Variants in KIF16B observed in about 807,000 individuals in gnomAD.
The protein encoded by KIF16B is kinesin-like protein KIF16B.
In KIF16B, 98 loss-of-function variants were observed where a neutral mutation model predicts 156.3. The observed-to-expected ratio is 0.63, with a 90% confidence interval of 0.53 to 0.74. The LOEUF is 0.74. Among genes scored for constraint, KIF16B ranks in the 30% least tolerant of loss-of-function variants. The pLI is 0.00. For synonymous variants in KIF16B, 564 were observed against 583.7 expected (o/e 0.97, Z 0.49); for missense variants, 1,421 against 1,606.5 (o/e 0.88, Z 1.97).
intron 15 of KIF16B, among the ~76,000 whole-genome samples, chr20:16,413,464 T>C (rs1312044216): frequency 6.6e-6 from 1 of 152,174 alleles, no homozygotes; most frequent in Non-Finnish European, 1.5e-5. Flanking sequence ...TTTCTAATTC[T>C]GCTACTGCAC....
intron 25 of KIF16B, among the ~76,000 whole-genome samples, chr20:16,277,049 G>A (rs924463881): frequency 1.3e-5 from 2 of 152,082 alleles, no homozygotes; most frequent in Admixed American, 1.3e-4. Context: ...AAGGGCAATC[G>A]CTATTCTGAT....
intron 12 of KIF16B, among the ~76,000 whole-genome samples, chr20:16,478,982 T>C (rs1270652969): frequency 6.6e-6 from 1 of 152,160 alleles, no homozygotes; most frequent in Non-Finnish European, 1.5e-5. Context: ...TGTGCATACA[T>C]TCACCAAAGA....
At chr20:16,305,203 C>T (rs1447075926) in intron 25 of KIF16B, among the ~76,000 whole-genome samples, 1 of 152,032 alleles carries the variant, frequency 6.6e-6, no homozygotes, top group East Asian at 1.9e-4. Flanking sequence ...TATTGTTCTC[C>T]CGTGGACCAC....
At chr20:16,560,403 A>G (rs1014386155) in intron 1 of KIF16B, among the ~76,000 whole-genome samples, 3 of 152,238 alleles carry the variant, frequency 2.0e-5, no homozygotes, top group East Asian at 3.8e-4. Flanking sequence ...GACTTTGTCA[A>G]TAAGAATCAG....
At position 16,379,773 on chromosome 20, in the gene KIF16B, C is replaced by T; in HGVS notation, c.2229G>A (p.Lys743=). 6.2e-7 allele frequency: 1 copy of T among 1,614,172 alleles called. No individual in the cohort carries two copies. The highest frequency in any genetic ancestry group is 1.1e-5 in the South Asian group (1 of 91,092). ...LQKEKDEQYA[K]LELEKKRLEE... ...CTAGTCTCTTTTTTTCCAGTTCAAG[C>T]TTGGCATACTGTTCATCTTTTTCCT... is the stretch of plus-strand genomic sequence containing the variant. Residue 743 remains lysine (K), a synonymous_variant, in exon 19 of 26, where the codon AAG becomes AAA. Transcript: ENST00000354981.
chr20:16,525,801 T>C (rs1036767795), intron 3 of KIF16B, among the ~76,000 whole-genome samples: 5 of 152,208 alleles, frequency 3.3e-5, no homozygotes, highest in Non-Finnish European at 7.3e-5. Context: ...ATGCTTTCTA[T>C]GTAGAGCTCC....
chr20:16,273,558 G>C (rs1393222958), intron 25 of KIF16B, 147 bp from the exon 26 acceptor site: 1 of 639,610 alleles, frequency 1.6e-6, no homozygotes, highest in East Asian at 2.8e-5. Context: ...GGACAGGGTG[G>C]TGCACTGAGG....
intron 12 of KIF16B, among the ~76,000 whole-genome samples, chr20:16,476,507 T>C (rs1486536628): frequency 6.6e-6 from 1 of 152,192 alleles, no homozygotes; most frequent in Non-Finnish European, 1.5e-5. Flanking sequence ...CAAAAAGCAA[T>C]CTGGCTTAAT....
intron 24 of KIF16B, among the ~76,000 whole-genome samples, chr20:16,317,088 A>G (rs2063709623): frequency 1.3e-5 from 2 of 152,254 alleles, no homozygotes; most frequent in South Asian, 4.1e-4. Flanking sequence ...CGTTAAATAA[A>G]AAGTTTAAAA....
At chr20:16,483,209 T>C (rs916769538) in intron 12 of KIF16B, among the ~76,000 whole-genome samples, 4 of 152,112 alleles carry the variant, frequency 2.6e-5, no homozygotes, top group African/African-American at 9.7e-5. Flanking sequence ...CACCAAAAAG[T>C]AGAACCAAGG....
chr20:16,393,896 A>T (rs1382830121), intron 17 of KIF16B, among the ~76,000 whole-genome samples: 1 of 152,226 alleles, frequency 6.6e-6, no homozygotes, highest in Non-Finnish European at 1.5e-5. Context: ...TTCTAGAAGG[A>T]GAGAATAGCA....
chr20:16,345,144 G>A (rs73236253), intron 23 of KIF16B, among the ~76,000 whole-genome samples: 6,469 of 152,238 alleles, frequency 0.042, 445 homozygotes, highest in African/African-American at 0.15. Context: ...ATGTACATCT[G>A]CCTTGACGTC....
At chr20:16,273,835 T>A (rs567999981) in intron 25 of KIF16B, among the ~76,000 whole-genome samples, 1 of 152,208 alleles carries the variant, frequency 6.6e-6, no homozygotes, top group African/African-American at 2.4e-5. Context: ...GTCCCACCTA[T>A]CATCAGACCA....
chr20:16,360,021 G>GTACAGAAATGAACAGC (rs918001592), intron 22 of KIF16B, among the ~76,000 whole-genome samples: 3 of 152,172 alleles, frequency 2.0e-5, no homozygotes, highest in Non-Finnish European at 4.4e-5. Flanking sequence ...ATTAATGAGT[G>GTACAGAAATGAACAGC]TACAGAAATG....
chr20:16,529,761 G>A lies in KIF16B; in HGVS notation c.48-1321C>T, dbSNP rs200690821. On this transcript the variant is annotated intron_variant, in intron 1 of 25. Transcript: ENST00000354981. ...GAGGTCGGGAGTTCAAGACCAGCCT[G>A]ATCAACACGGAGAAACCCCATCTCT... Among the ~76,000 whole-genome samples, 7 of 152,330 alleles carry A rather than the reference G, an allele frequency of 4.6e-5. No individual in the cohort carries two copies. In the East Asian group the frequency reaches 1.4e-3, roughly 29 times the overall value.
chr20:16,337,434 C>T (rs1331747492), intron 23 of KIF16B, among the ~76,000 whole-genome samples: 9 of 152,114 alleles, frequency 5.9e-5, no homozygotes, highest in Admixed American at 2.0e-4. Flanking sequence ...TGAGGATGTA[C>T]ATTTTTAAAT....
chr20:16,339,500 A>G lies in KIF16B; in HGVS notation c.3622-3485T>C, dbSNP rs958154809. Among the ~76,000 whole-genome samples the G allele has an allele frequency of 2.0e-5, 3 of 151,754 alleles. No individual in the cohort carries two copies. The East Asian group carries it at 5.8e-4, about 29-fold the overall frequency. On this transcript the variant is annotated intron_variant, in intron 23 of 25. Transcript: ENST00000354981. ...CACGGCATAAATTTACATGTGGATG[A>G]CTCCCTGGATGCCTGTACCTCTCTC...
intron 25 of KIF16B, among the ~76,000 whole-genome samples, chr20:16,308,595 C>A (rs548685555): frequency 2.0e-5 from 3 of 152,190 alleles, no homozygotes; most frequent in Non-Finnish European, 4.4e-5. Flanking sequence ...AGACATAGGC[C>A]TTCACCTGTA....
At chr20:16,540,140 C>T (rs546904705) in intron 1 of KIF16B, among the ~76,000 whole-genome samples, 258 of 152,318 alleles carry the variant, frequency 1.7e-3, no homozygotes, top group Non-Finnish European at 3.1e-3. Flanking sequence ...AGTGGAAGAG[C>T]AAGCAGCAAA....
Sources: allele counts gnomAD v4.1 joint callset (sites outside exome capture counted in the v4.1 genomes callset), GRCh38; gene constraint gnomAD v4.1.1; transcripts MANE v1.5; gene names NCBI Gene and HGNC (gene_info 2026-07-23, HGNC 2026-07-21).